The following USP31 variants were observed in gnomAD, a reference collection of about 807,000 sequenced individuals.
USP31 encodes ubiquitin specific peptidase 31.
In USP31, 44 loss-of-function variants were observed where a neutral mutation model predicts 119.4. The observed-to-expected ratio is 0.37, with a 90% confidence interval of 0.29 to 0.47. The LOEUF (loss-of-function observed/expected upper bound fraction) is 0.47. Among genes scored for constraint, USP31 ranks in the 20% least tolerant of loss-of-function variants. USP31 has a pLI of 0.99. For synonymous variants in USP31, 749 were observed against 705.6 expected, an observed-to-expected ratio of 1.06 and a Z score of -0.97; for missense variants, 1,643 against 1,730.2, an observed-to-expected ratio of 0.95 and a Z score of 0.89.
At position 23,087,128 on chromosome 16, in the gene USP31, T is replaced by G. The variant is rs533177666; in HGVS notation, c.1586A>C (p.Gln529Pro). The G allele has an allele frequency of 7.4e-6, 12 of 1,613,850 alleles. No individual in the cohort carries two copies. The highest frequency in any genetic ancestry group is 1.3e-5 in the African/African-American group (1 of 75,034). ...TGGGTGGCACAAGGGCTGCTCCTCC[T>G]GGGGCAGCAAATATGTTATTCCAAC... is the stretch of plus-strand genomic sequence containing the variant. ...SVVGITYLLP[Q>P]EEQPLCHPIV... The change falls in exon 9 of 16, where the codon CAG becomes CCG. Residue 529 changes from glutamine to proline, a missense_variant. Gln to Pro is a moderately conservative substitution (Grantham distance 76, BLOSUM62 -1). This residue lies in a region of USP31 where 219 missense variants were observed against 226.4 expected (regional missense o/e 0.97). Coordinates refer to ENST00000219689, the MANE Select transcript of USP31 (RefSeq NM_020718.4).
chr16:23,136,889 C>T (rs1903209961), intron 1 of USP31, among the ~76,000 whole-genome samples: 1 of 152,136 alleles, frequency 6.6e-6, no homozygotes, highest in African/African-American at 2.4e-5. Context: ...TTGAAAAGTG[C>T]ATCATTATTC....
intron 6 of USP31, among the ~76,000 whole-genome samples, chr16:23,094,370 CA>C (rs1300335814): frequency 1.3e-5 from 2 of 152,258 alleles, no homozygotes; most frequent in African/African-American, 4.8e-5. Context: ...GAGCCCCTCA[CA>C]GCTCAGCAAG....
intron 6 of USP31, among the ~76,000 whole-genome samples, chr16:23,097,769 C>T (rs1482669239): frequency 6.6e-6 from 1 of 152,192 alleles, no homozygotes; most frequent in Non-Finnish European, 1.5e-5. Context: ...CAACAAAATT[C>T]AACAGCCCTT....
chr16:23,104,766 T>C (rs1254263914), intron 5 of USP31, among the ~76,000 whole-genome samples: 1 of 152,172 alleles, frequency 6.6e-6, no homozygotes, highest in Non-Finnish European at 1.5e-5. Flanking sequence ...AAATCTTAAG[T>C]AAGGAATGTT....
intron 1 of USP31, among the ~76,000 whole-genome samples, chr16:23,133,554 T>C (rs542806095): frequency 6.6e-6 from 1 of 152,360 alleles, no homozygotes; most frequent in East Asian, 1.9e-4. Context: ...TATCTGATCC[T>C]TGGAAGAATG....
At chr16:23,074,166 C>CG (rs1328160553) in intron 13 of USP31, among the ~76,000 whole-genome samples, 2 of 152,050 alleles carry the variant, frequency 1.3e-5, no homozygotes, top group Non-Finnish European at 2.9e-5. Flanking sequence ...GTGTCTGTGG[C>CG]GGGGGGAGTG....
chr16:23,081,657 G>A (rs944000962), intron 12 of USP31, among the ~76,000 whole-genome samples: 10 of 152,226 alleles, frequency 6.6e-5, no homozygotes, highest in East Asian at 5.8e-4. Flanking sequence ...ACCCTTCATC[G>A]GAATCCTACT....
intron 4 of USP31, 34 bp from the exon 5 acceptor site, chr16:23,105,610 C>G: frequency 6.7e-7 from 1 of 1,493,848 alleles, no homozygotes; most frequent in Non-Finnish European, 8.9e-7. Flanking sequence ...TCTCATTAGT[C>G]ACTTATTTCA....
chr16:23,142,469 T>C (rs549162382), intron 1 of USP31, among the ~76,000 whole-genome samples: 9 of 152,244 alleles, frequency 5.9e-5, no homozygotes, highest in Non-Finnish European at 1.0e-4. Flanking sequence ...TCTGCCCATG[T>C]ACGTGTTATG....
chr16:23,072,516 T>C (rs1263920236), intron 14 of USP31: 1 of 575,026 alleles, frequency 1.7e-6, no homozygotes, highest in Non-Finnish European at 3.1e-6. Context: ...ACTCATACAT[T>C]CATTCTACAA....
At position 23,062,237 on chromosome 16, in the gene USP31, CCA is replaced by C. The variant is rs780605800; in HGVS notation, c.*5807_*5808del. ...AAGGTGTTGTAGTGCATTCAGCTCA[CCA>C]CAGATTAAAACTAAATTTTATTTGC... On this transcript the variant is annotated 3_prime_UTR_variant, in exon 16 of 16. Coordinates refer to ENST00000219689, the MANE Select transcript of USP31 (RefSeq NM_020718.4). 1.2e-4 allele frequency: 18 copies of C among 152,378 alleles called. No individual in the cohort carries two copies. The highest frequency in any genetic ancestry group is 2.2e-4 in the Non-Finnish European group (15 of 68,028). The allele number at this position is 152,378 out of a possible 1,614,324, so 9.4% of individuals were successfully genotyped here. A position where few individuals can be genotyped will look rare whatever the true frequency, so the allele number is the denominator to read the frequency against.
intron 1 of USP31, among the ~76,000 whole-genome samples, chr16:23,129,967 C>T (rs1400769939): frequency 6.6e-6 from 1 of 152,138 alleles, no homozygotes; most frequent in Admixed American, 6.6e-5. Context: ...AATAATAATG[C>T]TAACAGATTT....
chr16:23,088,350 C>G (rs114790464), intron 7 of USP31, among the ~76,000 whole-genome samples: 2 of 152,116 alleles, frequency 1.3e-5, no homozygotes, highest in Non-Finnish European at 2.9e-5. Context: ...CTGCACAGAC[C>G]GAAGACCAAA....
At chr16:23,103,894 AAC>A (rs1174195067) in intron 5 of USP31, among the ~76,000 whole-genome samples, 3 of 152,346 alleles carry the variant, frequency 2.0e-5, no homozygotes, top group East Asian at 3.9e-4. Context: ...CAGCCTGGGC[AAC>A]AGAGTGAGAC....
chr16:23,083,610 A>G (rs78452707), intron 11 of USP31, among the ~76,000 whole-genome samples: 1 of 148,858 alleles, frequency 6.7e-6, no homozygotes, highest in East Asian at 2.0e-4. Flanking sequence ...AAAAAAAAAA[A>G]AAGCTAAACA....
intron 5 of USP31, 66 bp from the exon 6 acceptor site, chr16:23,102,529 C>T: frequency 6.5e-7 from 1 of 1,541,802 alleles, no homozygotes; most frequent in Non-Finnish European, 8.7e-7. Flanking sequence ...TCTCCCAATT[C>T]TATGAACTTC....
Position 23,062,369 on chromosome 16 carries a change from G to T in USP31, c.*5677C>A, listed in dbSNP as rs1567219572. 3.0e-5 allele frequency: 4 copies of T among 132,452 alleles called. No individual in the cohort carries two copies. Among genetic ancestry groups the T allele is most frequent in the African/African-American group, 8.0e-5 (3 of 37,460 alleles). 8.2% of individuals were successfully genotyped at this position (132,452 alleles called of 1,614,324 possible). A position where few individuals can be genotyped will look rare whatever the true frequency, so the allele number is the denominator to read the frequency against. ...AAAACACGAAAAAATAGCAATAAGGGTTTTTTTTTTTTAAAAAAAAGACAC... is the reference window on the plus strand; with the variant it reads ...AAAACACGAAAAAATAGCAATAAGGTTTTTTTTTTTTTAAAAAAAAGACAC... On this transcript the variant is annotated 3_prime_UTR_variant, in exon 16 of 16. Transcript: ENST00000219689.
intron 14 of USP31, 160 bp from the exon 15 acceptor site, chr16:23,072,357 T>A (rs1176992277): frequency 1.1e-6 from 1 of 927,364 alleles, no homozygotes; most frequent in African/African-American, 1.6e-5. Context: ...ATGTCGTGCC[T>A]GTCCGAATAT....
chr16:23,103,728 A>AAG (rs1354921295), intron 5 of USP31, among the ~76,000 whole-genome samples: 2 of 152,198 alleles, frequency 1.3e-5, no homozygotes, highest in Non-Finnish European at 1.5e-5. Flanking sequence ...CAGCCTGGGC[A>AAG]ACATGCCAAA....
Sources: allele counts gnomAD v4.1 joint callset (sites outside exome capture counted in the v4.1 genomes callset), GRCh38; gene constraint gnomAD v4.1.1; regional missense constraint gnomAD v4.1.1; transcripts MANE v1.5; gene names NCBI Gene and HGNC (gene_info 2026-07-23, HGNC 2026-07-21).